The following OR11A1 variants were observed in gnomAD, a reference collection of about 807,000 sequenced individuals.
OR11A1 encodes the protein olfactory receptor 11A1.
For synonymous variants in OR11A1, 158 were observed against 152.2 expected (o/e 1.04, Z -0.28); for missense variants, 380 against 378.2 (o/e 1.00, Z -0.04).
chr6:29,446,612 A>G (rs1452404365), intron 1 of OR11A1, among the ~76,000 whole-genome samples: 1 of 152,238 alleles, frequency 6.6e-6, no homozygotes, highest in Non-Finnish European at 1.5e-5. Context: ...AGTTAGAGAA[A>G]CAAGCCTCAA....
intron 1 of OR11A1, among the ~76,000 whole-genome samples, chr6:29,437,333 A>G (rs964564458): frequency 1.3e-5 from 2 of 152,258 alleles, no homozygotes; most frequent in Non-Finnish European, 2.9e-5. Flanking sequence ...TGTGGCACAT[A>G]CACACCATGG....
At position 29,427,526 on chromosome 6, in the gene OR11A1, A is replaced by G. The variant is rs775850162; in HGVS notation, c.116T>C (p.Phe39Ser). 1.2e-6 allele frequency: 2 copies of G among 1,612,978 alleles called. No individual in the cohort carries two copies. Among genetic ancestry groups the G allele is most frequent in the African/African-American group, 2.7e-5 (2 of 74,928 alleles). The change falls in exon 5 of 5, where the codon TTC becomes TCC. Residue 39 changes from phenylalanine (F) to serine (S), a missense_variant. Phe to Ser is a radical substitution (Grantham distance 155, BLOSUM62 -2). Coordinates refer to ENST00000377149, the MANE Select transcript of OR11A1 (RefSeq NM_001394828.1). Reference sequence around the variant, plus strand: ...AATCAGCATATTCCCTATGATGATGAAGACATAGACAGCAGTGAATACAAT... The same window carrying G: ...AATCAGCATATTCCCTATGATGATGGAGACATAGACAGCAGTGAATACAAT... ...FFIVFTAVYV[F>S]IIIGNMLIIV... is the part of the protein sequence containing the mutation.
At chr6:29,440,875 T>G in intron 1 of OR11A1, 1 of 1,613,790 alleles carries the variant, frequency 6.2e-7, no homozygotes, top group Middle Eastern at 1.6e-4. Flanking sequence ...CTCAACCCCA[T>G]CATCTACAGC....
Position 29,430,323 on chromosome 6 carries a change from C to T in OR11A1, c.-162G>A. The T allele has an allele frequency of 1.0e-6, 1 of 985,376 alleles. No homozygotes were observed. Among genetic ancestry groups the T allele is most frequent in the Non-Finnish European group, 1.2e-6 (1 of 829,926 alleles). 61.0% of individuals were successfully genotyped at this position (985,376 alleles called of 1,614,324 possible). A position where few individuals can be genotyped will look rare whatever the true frequency, so the allele number is the denominator to read the frequency against. On this transcript the variant is annotated 5_prime_UTR_variant, in exon 3 of 5. Transcript: ENST00000377149. ...TACCCTTTGATCCCATCTGCATTTC[C>T]TTGTGAGTGAATCTGGCACTCCCTA...
rs2151367114 is a variant in OR11A1, at chr6:29,431,878, C to G, written c.-279G>C. 2 of 985,410 alleles carry G rather than the reference C, an allele frequency of 2.0e-6. No homozygotes were observed. The highest frequency in any genetic ancestry group is 9.4e-5 in the South Asian group (2 of 21,286). 61.0% of individuals were successfully genotyped at this position (985,410 alleles called of 1,614,324 possible). A position where few individuals can be genotyped will look rare whatever the true frequency, so the allele number is the denominator to read the frequency against. On this transcript the variant is annotated 5_prime_UTR_variant, in exon 2 of 5. Coordinates refer to ENST00000377149, the MANE Select transcript of OR11A1 (RefSeq NM_001394828.1). ...AATAAACGTACCCGAAATATCGACCCTGTTCTCTAAAGACAGGACTGTGAG... is the reference window on the plus strand; with the variant it reads ...AATAAACGTACCCGAAATATCGACCGTGTTCTCTAAAGACAGGACTGTGAG...
chr6:29,450,360 G>A (rs1008289760), intron 1 of OR11A1: 2 of 152,200 alleles, frequency 1.3e-5, no homozygotes, highest in Admixed American at 6.5e-5. Context: ...GAGGCTTGTA[G>A]TGATCTTAAC....
chr6:29,434,168 A>T (rs1246304738), intron 1 of OR11A1, among the ~76,000 whole-genome samples: 1 of 152,124 alleles, frequency 6.6e-6, no homozygotes, highest in Non-Finnish European at 1.5e-5. Flanking sequence ...TTTTAATTTG[A>T]TGCAATCCCA....
At chr6:29,432,962 C>G (rs971581588) in intron 1 of OR11A1, among the ~76,000 whole-genome samples, 4 of 152,086 alleles carry the variant, frequency 2.6e-5, no homozygotes, top group African/African-American at 9.7e-5. Flanking sequence ...TTTCATCAAA[C>G]AGCAGCATAT....
intron 1 of OR11A1, chr6:29,440,997 C>A: frequency 8.1e-7 from 1 of 1,238,446 alleles, no homozygotes; most frequent in Non-Finnish European, 1.2e-6. Context: ...CTGAGTCAGT[C>A]CCAAATACCT....
intron 1 of OR11A1, among the ~76,000 whole-genome samples, chr6:29,446,258 T>C (rs2151390482): frequency 6.6e-6 from 1 of 152,330 alleles, no homozygotes; most frequent in African/African-American, 2.4e-5. Context: ...CAGTGGATCC[T>C]CTTCATTCTC....
At position 29,427,743 on chromosome 6, in the gene OR11A1, A is replaced by G. The variant is rs1040482046; in HGVS notation, c.-91-11T>C. On this transcript the variant is annotated splice_polypyrimidine_tract_variant and intron_variant, in intron 4 of 4. Transcript: ENST00000377149. ...CTAACGTTATTAGAGCTAAAACAAA[A>G]CAAAACAAAAAAGACAAAAATGAGT... The G allele has an allele frequency of 2.1e-6, 3 of 1,456,226 alleles. No homozygotes were observed. In the South Asian group the frequency reaches 4.5e-5, roughly 22 times the overall value. The allele number at this position is 1,456,226 out of a possible 1,614,324, so 90.2% of individuals were successfully genotyped here.
rs367767626 is a variant in OR11A1 at position 29,445,159 on chromosome 6, AC to A, written c.-389+11827del. Among the ~76,000 whole-genome samples, 16 of 152,152 alleles carry A rather than the reference AC, an allele frequency of 1.1e-4. 1 individual carries two copies. In the East Asian group the frequency reaches 2.9e-3, roughly 28 times the overall value. ...GTAGCTGGGATTACAGGAGCCTACC[AC>A]CATGCCCAGCTAATTTATGTATTTT... On this transcript the variant is annotated intron_variant, in intron 1 of 4. Coordinates refer to ENST00000377149, the MANE Select transcript of OR11A1 (RefSeq NM_001394828.1).
intron 2 of OR11A1, among the ~76,000 whole-genome samples, chr6:29,431,106 A>C (rs1357420797): frequency 6.6e-6 from 1 of 152,102 alleles, no homozygotes; most frequent in Non-Finnish European, 1.5e-5. Context: ...CTAAGTAAAA[A>C]CCATAACCCT....
intron 1 of OR11A1, among the ~76,000 whole-genome samples, chr6:29,441,147 G>T (rs1052722436): frequency 6.6e-6 from 1 of 152,232 alleles, no homozygotes; most frequent in African/African-American, 2.4e-5. Context: ...ATTCTATTCC[G>T]CTTTCTGTTG....
intron 4 of OR11A1, chr6:29,428,395 G>A: frequency 2.0e-6 from 2 of 985,454 alleles, no homozygotes; most frequent in Non-Finnish European, 2.4e-6. Context: ...AGAAGGTGTG[G>A]GATCAAGGTC....
chr6:29,446,780 T>C (rs909496184), intron 1 of OR11A1, among the ~76,000 whole-genome samples: 1 of 152,142 alleles, frequency 6.6e-6, no homozygotes, highest in African/African-American at 2.4e-5. Flanking sequence ...CAAGCCCTAA[T>C]GAAATGACTG....
intron 1 of OR11A1, among the ~76,000 whole-genome samples, chr6:29,447,150 TG>T (rs1464589378): frequency 1.3e-5 from 2 of 152,214 alleles, no homozygotes; most frequent in Non-Finnish European, 2.9e-5. Context: ...AATAAGATCC[TG>T]GTCTAGTTCT....
At chr6:29,449,353 G>C (rs1191419740) in intron 1 of OR11A1, among the ~76,000 whole-genome samples, 6 of 152,084 alleles carry the variant, frequency 3.9e-5, no homozygotes, top group African/African-American at 1.4e-4. Context: ...TTAAAGAAAA[G>C]GAAAGAAGAA....
At position 29,440,841 on chromosome 6, in the gene OR11A1, T is replaced by A. The variant is rs146670709; in HGVS notation, c.-388-8854A>T. The A allele has an allele frequency of 9.3e-5, 150 of 1,613,748 alleles. 1 individual carries two copies. In the Middle Eastern group the frequency reaches 1.2e-3, roughly 12 times the overall value. On this transcript the variant is annotated intron_variant, in intron 1 of 4. Transcript: ENST00000377149. The stretch of plus-strand genomic sequence containing the variant: ...GGCCACTGACCCTCTGGTGTCCCTC[T>A]TCTATGCTGTGGTCACCCCCATCCT...
Sources: gnomAD v4.1 joint callset for allele counts (sites outside exome capture counted in the v4.1 genomes callset) on GRCh38, gnomAD v4.1.1 for gene constraint, MANE v1.5 for transcripts, NCBI Gene and HGNC (gene_info 2026-07-23, HGNC 2026-07-21) for gene names.